Variants in TENM3 observed in about 807,000 individuals in gnomAD.
TENM3 encodes teneurin transmembrane protein 3.
TENM3 carries 63 observed loss-of-function variants against 255.1 expected under a neutral mutation model. The observed-to-expected ratio is 0.25, with a 90% confidence interval of 0.20 to 0.30. The LOEUF (loss-of-function observed/expected upper bound fraction) is 0.30, where lower values mean the gene tolerates loss of function less well. Among genes scored for constraint, TENM3 ranks in the 10% least tolerant of loss-of-function variants. The pLI is 1.00. For synonymous variants in TENM3, 1,306 were observed against 1,322.3 expected (o/e 0.99, Z 0.27); for missense variants, 2,929 against 3,461.1 (o/e 0.85, Z 3.86).
the TENM3 span, among the ~76,000 whole-genome samples, chr4:181,744,629 G>A: frequency 6.6e-6 from 1 of 152,140 alleles, no homozygotes; most frequent in Non-Finnish European, 1.5e-5. Flanking sequence ...ATGCTAGCTG[G>A]AGACTATTGC....
At chr4:181,553,603 G>A in the TENM3 span, among the ~76,000 whole-genome samples, 3 of 151,772 alleles carry the variant, frequency 2.0e-5, no homozygotes, top group Non-Finnish European at 4.4e-5. Flanking sequence ...CACCACGCCC[G>A]GCTAATTTTT....
In TENM3 at chr4:182,746,272, G is replaced by A. The variant is rs951210091; in HGVS notation, c.3629+2853G>A. Among the ~76,000 whole-genome samples the A allele has an allele frequency of 2.0e-5, 3 of 152,164 alleles. No homozygotes were observed. In the South Asian group the frequency reaches 6.2e-4, roughly 32 times the overall value. ...GTTCTGTAAAGGAAGAGATTACTGG[G>A]AGATGGCACTACGGTAAGGAAACGT... On this transcript the variant is annotated intron_variant, in intron 19 of 27. Coordinates refer to ENST00000511685, the MANE Select transcript of TENM3 (RefSeq NM_001080477.4).
chr4:182,213,623 G>A (rs1755202628), intron 1 of TENM3, among the ~76,000 whole-genome samples: 1 of 152,068 alleles, frequency 6.6e-6, no homozygotes, highest in Non-Finnish European at 1.5e-5. Flanking sequence ...GATACAGTAC[G>A]ATCCATATGA....
chr4:182,066,156 T>A, the TENM3 span, among the ~76,000 whole-genome samples: 1 of 152,150 alleles, frequency 6.6e-6, no homozygotes, highest in Non-Finnish European at 1.5e-5. Flanking sequence ...ACACCAACAC[T>A]TTTTCCCCAT....
intron 1 of TENM3, among the ~76,000 whole-genome samples, chr4:182,179,254 G>A (rs1752699502): frequency 6.6e-6 from 1 of 152,194 alleles, no homozygotes. Flanking sequence ...CTTTGGATTA[G>A]TACAAGAGAG....
intron 1 of TENM3, among the ~76,000 whole-genome samples, chr4:182,260,127 C>A (rs1177158058): frequency 6.6e-6 from 1 of 152,122 alleles, no homozygotes; most frequent in Non-Finnish European, 1.5e-5. Flanking sequence ...TTTTCTTTAT[C>A]CATTCATCTG....
At chr4:182,486,768 T>A (rs1734779850) in intron 3 of TENM3, among the ~76,000 whole-genome samples, 1 of 152,108 alleles carries the variant, frequency 6.6e-6, no homozygotes, top group Admixed American at 6.6e-5. Context: ...TGGTCCAGAT[T>A]GTCTTATTGT....
the TENM3 span, among the ~76,000 whole-genome samples, chr4:181,480,079 T>A: frequency 3.9e-5 from 6 of 152,276 alleles, no homozygotes; most frequent in South Asian, 1.2e-3. Context: ...CAATATTTTT[T>A]CAGGATCAGC....
chr4:182,251,086 G>GCCTTAA (rs1757983604), intron 1 of TENM3, among the ~76,000 whole-genome samples: 2 of 152,188 alleles, frequency 1.3e-5, no homozygotes, highest in Non-Finnish European at 2.9e-5. Flanking sequence ...CATTTGAAGG[G>GCCTTAA]TTCGGGGCCT....
At chr4:181,544,345 T>G in the TENM3 span, among the ~76,000 whole-genome samples, 1 of 145,126 alleles carries the variant, frequency 6.9e-6, no homozygotes, top group Non-Finnish European at 1.5e-5. Context: ...GGCTTTTACT[T>G]AATATTTTAA....
the TENM3 span, among the ~76,000 whole-genome samples, chr4:181,943,715 A>G: frequency 6.6e-6 from 1 of 152,180 alleles, no homozygotes; most frequent in Admixed American, 6.5e-5. Flanking sequence ...AAGCAATTGA[A>G]CACATATGCA....
At chr4:182,606,012 G>T (rs1748382850) in intron 4 of TENM3, among the ~76,000 whole-genome samples, 1 of 152,144 alleles carries the variant, frequency 6.6e-6, no homozygotes, top group African/African-American at 2.4e-5. Flanking sequence ...AATCAAACGA[G>T]AAAGGCAGGT....
At chr4:181,656,825 G>A in the TENM3 span, among the ~76,000 whole-genome samples, 1 of 152,204 alleles carries the variant, frequency 6.6e-6, no homozygotes, top group East Asian at 1.9e-4. Context: ...GATTTCAAGA[G>A]GAAAGGGTGC....
chr4:182,209,133 A>G (rs1371055104), intron 1 of TENM3, among the ~76,000 whole-genome samples: 1 of 151,844 alleles, frequency 6.6e-6, no homozygotes, highest in East Asian at 1.9e-4. Flanking sequence ...ATGCCCGGCC[A>G]ATTTTTGTAT....
the TENM3 span, among the ~76,000 whole-genome samples, chr4:181,746,790 T>C: frequency 6.6e-6 from 1 of 152,060 alleles, no homozygotes; most frequent in Non-Finnish European, 1.5e-5. Flanking sequence ...ATGTTTACAT[T>C]GTTTTACACA....
At chr4:182,298,274 C>A (rs980807904) in intron 1 of TENM3, among the ~76,000 whole-genome samples, 1 of 152,172 alleles carries the variant, frequency 6.6e-6, no homozygotes, top group Non-Finnish European at 1.5e-5. Context: ...GCAGTGCCAG[C>A]CATATCCTAG....
intron 1 of TENM3, among the ~76,000 whole-genome samples, chr4:182,306,203 T>C (rs1762123177): frequency 6.6e-6 from 1 of 151,998 alleles, no homozygotes; most frequent in African/African-American, 2.4e-5. Context: ...TCTTTTTTTT[T>C]CTTTTTTTTT....
the TENM3 span, among the ~76,000 whole-genome samples, chr4:181,559,001 C>G: frequency 1.3e-5 from 2 of 151,932 alleles, no homozygotes; most frequent in African/African-American, 4.8e-5. Flanking sequence ...TGGTAGATAG[C>G]ACACTGACAT....
At chr4:181,756,003 G>A in the TENM3 span, among the ~76,000 whole-genome samples, 3 of 152,158 alleles carry the variant, frequency 2.0e-5, no homozygotes, top group Admixed American at 6.5e-5. Context: ...GGAAATATGT[G>A]ACGATGACGT....
Sources: gnomAD v4.1 joint callset for allele counts (sites outside exome capture counted in the v4.1 genomes callset) on GRCh38, gnomAD v4.1.1 for gene constraint, MANE v1.5 for transcripts, NCBI Gene and HGNC (gene_info 2026-07-23, HGNC 2026-07-21) for gene names.